The following OSTC variants were observed in gnomAD, a reference collection of about 807,000 sequenced individuals.
OSTC encodes oligosaccharyltransferase complex subunit OSTC.
Under a neutral mutation model 16.4 loss-of-function variants are expected in OSTC, and 16 were observed. The ratio of observed to expected loss-of-function variants is 0.98; its 90% CI spans 0.66 to 1.49. OSTC has a LOEUF of 1.49. OSTC is among the 40% of genes most tolerant of loss of function. The probability of loss-of-function intolerance (pLI) is 0.00; values close to 1 mark genes in which losing one functional copy is unlikely to be tolerated. For missense variants in OSTC, 139 were observed against 186.3 expected (o/e 0.75, Z 1.48); for synonymous variants, 67 against 68.5 (o/e 0.98, Z 0.11).
chr4:108,653,930 C>G (rs1726623764), intron 1 of OSTC, among the ~76,000 whole-genome samples: 1 of 152,062 alleles, frequency 6.6e-6, no homozygotes. Context: ...AATTGAAAGC[C>G]CTGGGAGTTC....
At chr4:108,655,443 G>C (rs532639685) in intron 1 of OSTC, 121 bp from the exon 2 acceptor site, 4 of 576,068 alleles carry the variant, frequency 6.9e-6, no homozygotes, top group Non-Finnish European at 1.1e-5. Context: ...TCTCAACCTG[G>C]GCGACAGAGT....
At chr4:108,661,036 G>A (rs1446416167) in intron 3 of OSTC, among the ~76,000 whole-genome samples, 2 of 151,914 alleles carry the variant, frequency 1.3e-5, no homozygotes, top group Non-Finnish European at 2.9e-5. Context: ...GGTCAACGTG[G>A]TGAAAACCAG....
chr4:108,660,340 G>C (rs1560624399), intron 3 of OSTC, among the ~76,000 whole-genome samples: 2 of 152,154 alleles, frequency 1.3e-5, no homozygotes, highest in Non-Finnish European at 2.9e-5. Flanking sequence ...TTTCTCATCT[G>C]CAGCTCCTAA....
chr4:108,661,665 TC>T (rs1726860637), intron 3 of OSTC, among the ~76,000 whole-genome samples: 1 of 152,230 alleles, frequency 6.6e-6, no homozygotes, highest in Non-Finnish European at 1.5e-5. Context: ...TGGCGCGGTC[TC>T]GGCTCACTGC....
intron 3 of OSTC, among the ~76,000 whole-genome samples, chr4:108,666,743 C>T (rs536117671): frequency 1.4e-5 from 2 of 146,320 alleles, no homozygotes; most frequent in Non-Finnish European, 3.0e-5. Context: ...CCGGGCTTCA[C>T]GCGTGTAATC....
At chr4:108,664,182 T>C (rs1726935566) in intron 3 of OSTC, among the ~76,000 whole-genome samples, 1 of 152,218 alleles carries the variant, frequency 6.6e-6, no homozygotes, top group African/African-American at 2.4e-5. Flanking sequence ...ATTTTAAGTT[T>C]GGCAGCTTTG....
At chr4:108,667,103 A>G (rs530890660) in intron 3 of OSTC, 144 bp from the exon 4 acceptor site, 20 of 630,196 alleles carry the variant, frequency 3.2e-5, no homozygotes, top group African/African-American at 2.6e-4. Context: ...AATAAGGACC[A>G]TAATAAAGAA....
At position 108,658,915 on chromosome 4, in the gene OSTC, T is replaced by C. The variant is rs151237183; in HGVS notation, c.431+1268T>C. On this transcript the variant is annotated intron_variant, in intron 3 of 3. Transcript: ENST00000361564. The stretch of plus-strand genomic sequence containing the variant: ...ATGGGAGGGAAAGCATGGAGTTCTT[T>C]GTCAGCTGAATATCTGTGTGGCCAT... Among the ~76,000 whole-genome samples the C allele has an allele frequency of 3.8e-3, 581 of 151,616 alleles. 1 individual carries two copies. Among genetic ancestry groups the C allele is most frequent in the South Asian group, 1.0e-2 (48 of 4,804 alleles).
intron 3 of OSTC, among the ~76,000 whole-genome samples, chr4:108,660,274 TG>T (rs1322853536): frequency 1.3e-5 from 2 of 152,234 alleles, no homozygotes; most frequent in African/African-American, 4.8e-5. Context: ...TTCTGTATCT[TG>T]TAAATCTAGG....
chr4:108,653,404 G>A (rs768462142), intron 1 of OSTC, among the ~76,000 whole-genome samples: 2 of 152,208 alleles, frequency 1.3e-5, no homozygotes, highest in African/African-American at 2.4e-5. Flanking sequence ...ATGCTAGGCA[G>A]AGGGAAACGT....
At chr4:108,653,794 T>C (rs1726620195) in intron 1 of OSTC, among the ~76,000 whole-genome samples, 1 of 152,240 alleles carries the variant, frequency 6.6e-6, no homozygotes, top group South Asian at 2.1e-4. Flanking sequence ...GGAACTCCCA[T>C]GAGACATTGA....
At chr4:108,656,459 C>CA (rs57779434) in intron 2 of OSTC, among the ~76,000 whole-genome samples, 116 of 121,824 alleles carry the variant, frequency 9.5e-4, no homozygotes, top group South Asian at 5.1e-3. Flanking sequence ...AACAATTGAC[C>CA]AAAAAAAAAA....
chr4:108,657,828 ATCT>A (rs1213548663), intron 3 of OSTC, among the ~76,000 whole-genome samples, 181 bp downstream of exon 3: 1 of 150,706 alleles, frequency 6.6e-6, no homozygotes, highest in Non-Finnish European at 1.5e-5. Flanking sequence ...AAACTAATAG[ATCT>A]TCTTAGTTGT....
At chr4:108,661,217 CAAAAAA>C (rs34609606) in intron 3 of OSTC, among the ~76,000 whole-genome samples, 1 of 103,300 alleles carries the variant, frequency 9.7e-6, no homozygotes, top group African/African-American at 3.9e-5. Context: ...GACTCCATCT[CAAAAAA>C]AAAAAAAAAA....
chr4:108,658,032 A>G (rs981199819), intron 3 of OSTC, among the ~76,000 whole-genome samples: 2 of 144,046 alleles, frequency 1.4e-5, no homozygotes, highest in African/African-American at 2.6e-5. Context: ...CCCGGGCTCA[A>G]GTGATGCTCC....
At chr4:108,662,675 T>C (rs539521104) in intron 3 of OSTC, among the ~76,000 whole-genome samples, 12 of 152,344 alleles carry the variant, frequency 7.9e-5, no homozygotes, top group African/African-American at 2.9e-4. Context: ...TTTAAATCAG[T>C]TCTGGCTGAA....
At chr4:108,657,226 T>C (rs1215423728) in intron 2 of OSTC, among the ~76,000 whole-genome samples, 1 of 152,228 alleles carries the variant, frequency 6.6e-6, no homozygotes, top group Non-Finnish European at 1.5e-5. Context: ...TATTCATTGT[T>C]GTATATCCCC....
At chr4:108,664,478 T>C (rs1726942081) in intron 3 of OSTC, among the ~76,000 whole-genome samples, 2 of 151,600 alleles carry the variant, frequency 1.3e-5, no homozygotes, top group South Asian at 4.2e-4. Flanking sequence ...TTTTTTTTTT[T>C]CTTGTGAAGC....
chr4:108,656,485 A>G (rs1225659691), intron 2 of OSTC, among the ~76,000 whole-genome samples: 1 of 151,646 alleles, frequency 6.6e-6, no homozygotes, highest in Non-Finnish European at 1.5e-5. Flanking sequence ...TACCCTGTTT[A>G]CATATGCCTA....
Sources: gnomAD v4.1 joint callset for allele counts (sites outside exome capture counted in the v4.1 genomes callset) on GRCh38, gnomAD v4.1.1 for gene constraint, MANE v1.5 for transcripts, NCBI Gene and HGNC (gene_info 2026-07-23, HGNC 2026-07-21) for gene names.